TRMT2A: variants seen among roughly 807,000 people sequenced by gnomAD.
TRMT2A encodes tRNA methyltransferase 2A.
In TRMT2A, 60 loss-of-function variants were observed where a neutral mutation model predicts 59.3. That is an observed-to-expected ratio of 1.01 (90% CI 0.82 to 1.26). TRMT2A has a LOEUF of 1.26. Ranked by LOEUF, TRMT2A falls within the 50% of genes most tolerant of loss-of-function variation. TRMT2A has a pLI of 0.00. For synonymous variants in TRMT2A, 403 were observed against 353.7 expected (o/e 1.14, Z -1.56); for missense variants, 863 against 845.2 (o/e 1.02, Z -0.26).
At position 20,115,737 on chromosome 22, in the gene TRMT2A, C is replaced by A; in HGVS notation, c.643G>T (p.Glu215Ter). 2 of 1,612,614 alleles carry A rather than the reference C, an allele frequency of 1.2e-6. No homozygotes were observed. The highest frequency in any genetic ancestry group is 1.7e-6 in the Non-Finnish European group (2 of 1,179,706). The change falls in exon 3 of 12, where the codon GAG becomes TAG. Residue 215 changes from glutamate to a stop codon, truncating the protein, a stop_gained. Coordinates refer to ENST00000252136, the MANE Select transcript of TRMT2A (RefSeq NM_022727.6). LOFTEE classifies it high-confidence loss of function. The part of the protein sequence containing the change: ...TNRALLPWLL[E>*]QRHKHNKACC... The stretch of plus-strand genomic sequence containing the variant: ...GCCTTGTTGTGCTTGTGCCTCTGCT[C>A]GAGCAGCCAGGGCAGCAAGGCACGG...
chr22:20,112,299 C>T lies in TRMT2A; in HGVS notation c.*264G>A. On this transcript the variant is annotated 3_prime_UTR_variant, in exon 12 of 12. Transcript: ENST00000252136. ...CCCCTGGCTCTCATCACAGAAACAC[C>T]CTTTGTTGAGCAGTTGTTTATTCTG... is the stretch of plus-strand genomic sequence containing the variant. 1.9e-6 allele frequency: 1 copy of T among 528,674 alleles called. No individual in the cohort carries two copies. The highest frequency in any genetic ancestry group is 3.3e-6 in the Non-Finnish European group (1 of 299,284). The allele number at this position is 528,674 out of a possible 1,614,324, so 32.7% of individuals were successfully genotyped here.
rs763605011 is a variant in TRMT2A at position 20,112,794 on chromosome 22, G to A, written c.1647C>T (p.Asp549=). 18 of 1,613,126 alleles carry A rather than the reference G, an allele frequency of 1.1e-5. No individual in the cohort carries two copies. The African/African-American group carries it at 1.9e-4, about 17-fold the overall frequency. The change falls in exon 12 of 12, where the codon GAC becomes GAT. Residue 549 remains aspartate (D), a splice_region_variant and synonymous_variant. Coordinates refer to ENST00000252136, the MANE Select transcript of TRMT2A (RefSeq NM_022727.6). ...NPRAAMGNFV[D]LCRAPSNRVK... is the part of the protein sequence containing the mutation. ...CCCGGTTAGATGGGGCTCTGCAGAG[G>A]CTGTGGGGGGAAAAGGGGGGCGCTA...
intron 11 of TRMT2A, 31 bp from the exon 12 acceptor site, chr22:20,112,825 A>C (rs542588153): frequency 1.2e-6 from 2 of 1,612,718 alleles, no homozygotes; most frequent in South Asian, 2.2e-5. Flanking sequence ...CGCTAAGGTC[A>C]GCCGATAGGC....
chr22:20,114,849 G>T lies in TRMT2A; in HGVS notation c.1033C>A (p.Leu345Met). 1 of 1,601,488 alleles carries T rather than the reference G, an allele frequency of 6.2e-7. No individual in the cohort carries two copies. Among genetic ancestry groups the T allele is most frequent in the Non-Finnish European group, 8.5e-7 (1 of 1,175,496 alleles). ...AAGTGCTGCGCTAGGGAGGTCTTCA[G>T]CTCTGCCAGCTCCTCAGGGCTCAGC... ...QKLSPEELAE[L>M]KTSLAQHFTA... is the part of the protein sequence containing the mutation. Residue 345 changes from leucine to methionine, a missense_variant, in exon 6 of 12, where the codon CTG (leucine) becomes ATG (methionine). Physicochemically the swap from Leu to Met is conservative, Grantham distance 15. Coordinates refer to ENST00000252136, the MANE Select transcript of TRMT2A (RefSeq NM_022727.6).
In TRMT2A at chr22:20,115,736, T is replaced by C. The variant is rs1467094070; in HGVS notation, c.644A>G (p.Glu215Gly). The change falls in exon 3 of 12, where the codon GAG (glutamate) becomes GGG (glycine). Residue 215 changes from glutamate to glycine, a missense_variant. By Grantham distance (98) the Glu-to-Gly change is moderately conservative (BLOSUM62 -2). Coordinates refer to ENST00000252136, the MANE Select transcript of TRMT2A (RefSeq NM_022727.6). ...GGCCTTGTTGTGCTTGTGCCTCTGC[T>C]CGAGCAGCCAGGGCAGCAAGGCACG... ...TNRALLPWLL[E>G]QRHKHNKACC... 1.2e-6 allele frequency: 2 copies of C among 1,612,514 alleles called. No individual in the cohort carries two copies. The highest frequency in any genetic ancestry group is 2.7e-5 in the African/African-American group (2 of 74,914).
chr22:20,112,541 G>C lies in TRMT2A; in HGVS notation c.*22C>G. ...GGGCCCTGGGAGCCCTTCAGCTCCTGTCCCCATAATGGGTCCTGGGCCTAG... is the reference window on the plus strand; with the variant it reads ...GGGCCCTGGGAGCCCTTCAGCTCCTCTCCCCATAATGGGTCCTGGGCCTAG... On this transcript the variant is annotated 3_prime_UTR_variant, in exon 12 of 12. Transcript: ENST00000252136. The C allele has an allele frequency of 5.6e-6, 9 of 1,609,544 alleles. No homozygotes were observed. The highest frequency in any genetic ancestry group is 6.8e-6 in the Non-Finnish European group (8 of 1,177,294).
rs1457993893 is a variant in TRMT2A, at chr22:20,113,810, T to TG, written c.1234-3dup. 7 of 1,561,366 alleles carry TG rather than the reference T, an allele frequency of 4.5e-6. No homozygotes were observed. Among genetic ancestry groups the TG allele is most frequent in the Non-Finnish European group, 5.2e-6 (6 of 1,152,548 alleles). On this transcript the variant is annotated splice_polypyrimidine_tract_variant and splice_region_variant and intron_variant, in intron 7 of 11. Transcript: ENST00000252136. ...CACCTCGGCTGCGGGTGTGTTCACC[T>TG]GGGGGCAGGCGGTGCCCAGGATGTC...
intron 7 of TRMT2A, 55 bp from the exon 8 acceptor site, chr22:20,113,863 G>A: frequency 6.7e-7 from 1 of 1,497,318 alleles, no homozygotes. Flanking sequence ...GGTGCCACTG[G>A]TGCCCCGACG....
At position 20,115,348 on chromosome 22, in the gene TRMT2A, A is replaced by C. The variant is rs201295568; in HGVS notation, c.808T>G (p.Cys270Gly). 1.2e-4 allele frequency: 194 copies of C among 1,612,738 alleles called. 1 individual carries two copies. Among genetic ancestry groups the C allele is most frequent in the Non-Finnish European group, 1.1e-5 (13 of 1,179,984 alleles). The change falls in exon 4 of 12, where the codon TGT becomes GGT. Residue 270 changes from cysteine to glycine, a missense_variant. Coordinates refer to ENST00000252136, the MANE Select transcript of TRMT2A (RefSeq NM_022727.6). ...CRLGKYKGGT[C>G]AVAAPFDTVH... Reference sequence around the variant, plus strand: ...GTGTCAAACGGGGCTGCCACAGCACACGTCCCGCCCTTGTACTTGCCGAGC... The same window carrying C: ...GTGTCAAACGGGGCTGCCACAGCACCCGTCCCGCCCTTGTACTTGCCGAGC...
At chr22:20,114,232 C>T (rs1467781499) in intron 7 of TRMT2A, among the ~76,000 whole-genome samples, 2 of 152,226 alleles carry the variant, frequency 1.3e-5, no homozygotes, top group Non-Finnish European at 2.9e-5. Flanking sequence ...CAGGTCCCCA[C>T]AGCCTTCCTG....
In TRMT2A at chr22:20,113,226, T is replaced by C; in HGVS notation, c.1441A>G (p.Asn481Asp). Residue 481 changes from asparagine (N) to aspartate (D), a missense_variant, in exon 10 of 12, where the codon AAT (asparagine) becomes GAT (aspartate). Transcript: ENST00000252136. ...GCCCTCCCGCAGTGGAACTCCACAT[T>C]ACTCAACTCTGAAGAGATGGCACCG... The part of the protein sequence containing the change: ...RVNAQDNELS[N>D]VEFHCGRAED... 6.4e-7 allele frequency: 1 copy of C among 1,562,944 alleles called. No homozygotes were observed. Among genetic ancestry groups the C allele is most frequent in the Non-Finnish European group, 8.7e-7 (1 of 1,155,810 alleles).
At chr22:20,116,733 C>G in intron 1 of TRMT2A, 121 bp from the exon 2 acceptor site, 1 of 1,394,928 alleles carries the variant, frequency 7.2e-7, no homozygotes, top group South Asian at 1.4e-5. Context: ...CCTGCCCCTC[C>G]CCCAGTCTAC....
Position 20,116,920 on chromosome 22 carries a change from C to A in TRMT2A, c.-14G>T. The A allele has an allele frequency of 6.3e-7, 1 of 1,590,050 alleles. No homozygotes were observed. Among genetic ancestry groups the A allele is most frequent in the African/African-American group, 1.3e-5 (1 of 74,388 alleles). ...GTTCTCACTCATCGCCCAGGCGGTT[C>A]TCCGCCTAGACCAGGGACGCCATGG... On this transcript the variant is annotated 5_prime_UTR_variant, in exon 1 of 12. Transcript: ENST00000252136.
chr22:20,114,094 CCCCAGCAA>C (rs1169530265), intron 7 of TRMT2A, among the ~76,000 whole-genome samples: 3 of 152,194 alleles, frequency 2.0e-5, no homozygotes, highest in Middle Eastern at 3.2e-3. Flanking sequence ...ACCTTCCCTG[CCCCAGCAA>C]GGGGGCTTTG....
At position 20,115,144 on chromosome 22, in the gene TRMT2A, C is replaced by T; in HGVS notation, c.891-65G>A. The stretch of plus-strand genomic sequence containing the variant: ...GCAAGCAGTCCCCCTGCTCTCTCCT[C>T]TGGCCACACCTTCCTTCATCTGGCT... On this transcript the variant is annotated intron_variant, in intron 4 of 11. Transcript: ENST00000252136. 1.9e-6 allele frequency: 3 copies of T among 1,560,782 alleles called. No individual in the cohort carries two copies. In the Admixed American group the frequency reaches 5.5e-5, roughly 28 times the overall value.
At position 20,116,530 on chromosome 22, in the gene TRMT2A, G is replaced by A. The variant is rs925300492; in HGVS notation, c.107C>T (p.Pro36Leu). 1.2e-6 allele frequency: 2 copies of A among 1,603,216 alleles called. No individual in the cohort carries two copies. The highest frequency in any genetic ancestry group is 1.1e-5 in the South Asian group (1 of 90,314). The stretch of plus-strand genomic sequence containing the variant: ...TTTCTCCACCTCCTCCAGGGCTGCC[G>A]GGGCTGCAGGGGGCACCGAGACGGT... ...CPTVSVPPAA[P>L]AALEEVEKEG... Residue 36 changes from proline to leucine, a missense_variant, in exon 2 of 12, where the codon CCG becomes CTG. Physicochemically the swap from Pro to Leu is moderately conservative, Grantham distance 98. Coordinates refer to ENST00000252136, the MANE Select transcript of TRMT2A (RefSeq NM_022727.6).
chr22:20,115,966 G>A, intron 2 of TRMT2A, 72 bp downstream of exon 2: 1 of 1,496,250 alleles, frequency 6.7e-7, no homozygotes, highest in Non-Finnish European at 9.0e-7. Flanking sequence ...CCCAACTGGT[G>A]CATGGACAGG....
chr22:20,113,398 C>CCT, intron 9 of TRMT2A, 34 bp downstream of exon 9: 1 of 1,544,160 alleles, frequency 6.5e-7, no homozygotes, highest in Non-Finnish European at 8.9e-7. Flanking sequence ...CGGCTGCCCC[C>CCT]ATCCCCACCC....
Position 20,116,289 on chromosome 22 carries a change from G to A in TRMT2A, c.348C>T (p.Phe116=). ...CCTTGTCCCTCTCTGCAGCGCTGCG[G>A]AATGTCACAAAGGCGCAGGGTGGTT... The part of the protein sequence containing the change: ...FGQPPCAFVT[F]RSAAERDKAL... The change falls in exon 2 of 12, where the codon TTC becomes TTT. Residue 116 remains phenylalanine (F), a synonymous_variant. Coordinates refer to ENST00000252136, the MANE Select transcript of TRMT2A (RefSeq NM_022727.6). 1 of 1,612,976 alleles carries A rather than the reference G, an allele frequency of 6.2e-7. No individual in the cohort carries two copies. The highest frequency in any genetic ancestry group is 2.2e-5 in the East Asian group (1 of 44,882).
Sources: gnomAD v4.1 joint callset for allele counts (sites outside exome capture counted in the v4.1 genomes callset) on GRCh38, gnomAD v4.1.1 for gene constraint, MANE v1.5 for transcripts, NCBI Gene and HGNC (gene_info 2026-07-23, HGNC 2026-07-21) for gene names.